Variants in CSNK1G1 observed in about 807,000 individuals in gnomAD.
CSNK1G1 encodes casein kinase I isoform gamma-1.
Under a neutral mutation model 59.6 loss-of-function variants are expected in CSNK1G1, and 22 were observed. That is an observed-to-expected ratio of 0.37 (90% CI 0.26 to 0.53). CSNK1G1 has a LOEUF of 0.53. Among genes scored for constraint, CSNK1G1 ranks in the 20% least tolerant of loss-of-function variants. The probability of loss-of-function intolerance (pLI) is 0.89; values close to 1 mark genes in which losing one functional copy is unlikely to be tolerated. For missense variants in CSNK1G1, 384 were observed against 519.5 expected (o/e 0.74, Z 2.54); for synonymous variants, 179 against 177.1 (o/e 1.01, Z -0.08).
chr15:64,272,136 G>A (rs756394193), intron 2 of CSNK1G1, among the ~76,000 whole-genome samples: 22 of 151,526 alleles, frequency 1.5e-4, no homozygotes, highest in Admixed American at 9.2e-4. Flanking sequence ...TTGAGCCTAC[G>A]GATATCATTA....
chr15:64,171,866 G>T lies in CSNK1G1; in HGVS notation c.*65C>A. 7.5e-7 allele frequency: 1 copy of T among 1,329,228 alleles called. No individual in the cohort carries two copies. The highest frequency in any genetic ancestry group is 1.2e-5 in the South Asian group (1 of 85,432). The allele number at this position is 1,329,228 out of a possible 1,614,324, so 82.3% of individuals were successfully genotyped here. A position where few individuals can be genotyped will look rare whatever the true frequency, so the allele number is the denominator to read the frequency against. ...AGAGGAGTCCCTTCCAATGAGAAAT[G>T]GCAGGAGCTGCAGGTACAATTGAGT... is the stretch of plus-strand genomic sequence containing the variant. On this transcript the variant is annotated 3_prime_UTR_variant, in exon 12 of 12. Transcript: ENST00000303052. The surrounding 1 kb of genome is among the most constrained non-coding windows in gnomAD (Gnocchi z 4.8).
chr15:64,231,108 C>T (rs1295463084), intron 4 of CSNK1G1, among the ~76,000 whole-genome samples: 2 of 151,658 alleles, frequency 1.3e-5, no homozygotes, highest in African/African-American at 4.8e-5. Context: ...AGGAGGATTG[C>T]TTGAGGCCAA....
chr15:64,221,097 A>G (rs983968109), intron 4 of CSNK1G1, among the ~76,000 whole-genome samples: 1 of 152,176 alleles, frequency 6.6e-6, no homozygotes, highest in African/African-American at 2.4e-5. Flanking sequence ...AGCTACTTGT[A>G]TTTGGATTTT....
chr15:64,222,437 C>CAAAAAAAAAAAAAAA lies in CSNK1G1; in HGVS notation c.293-5739_293-5725dup, dbSNP rs1170075981. ...AAAGAAATAACAACAACAACACCAC[C>CAAAAAAAAAAAAAAA]AAAAAAAAAAAAAAAAAAAAAAGAG... On this transcript the variant is annotated intron_variant, in intron 4 of 11. Coordinates refer to ENST00000303052, the MANE Select transcript of CSNK1G1 (RefSeq NM_022048.5). Among the ~76,000 whole-genome samples, 5 of 68,990 alleles carry CAAAAAAAAAAAAAAA rather than the reference C, an allele frequency of 7.2e-5. 1 individual carries two copies. The highest frequency in any genetic ancestry group is 1.1e-4 in the Non-Finnish European group (4 of 37,530). 45.3% of individuals were successfully genotyped at this position (68,990 alleles called of 152,430 possible). A position where few individuals can be genotyped will look rare whatever the true frequency, so the allele number is the denominator to read the frequency against.
chr15:64,223,287 C>A (rs1209448508), intron 4 of CSNK1G1, among the ~76,000 whole-genome samples: 2 of 152,076 alleles, frequency 1.3e-5, no homozygotes, highest in Non-Finnish European at 2.9e-5. Context: ...CATCTCTAAT[C>A]CACTGCTTAA....
At chr15:64,343,236 C>CA (rs1555405238) in intron 1 of CSNK1G1, among the ~76,000 whole-genome samples, 2 of 150,708 alleles carry the variant, frequency 1.3e-5, no homozygotes, top group East Asian at 2.0e-4. Context: ...CACACACACA[C>CA]CTCTTCTAAA....
At chr15:64,240,916 C>T (rs2082685397) in intron 4 of CSNK1G1, among the ~76,000 whole-genome samples, 1 of 152,080 alleles carries the variant, frequency 6.6e-6, no homozygotes, top group Non-Finnish European at 1.5e-5. Context: ...CGTATCACTA[C>T]AGAAAACCAC....
At chr15:64,325,438 T>C (rs1054040584) in intron 1 of CSNK1G1, among the ~76,000 whole-genome samples, 2 of 152,250 alleles carry the variant, frequency 1.3e-5, no homozygotes, top group Non-Finnish European at 2.9e-5. Flanking sequence ...TCCTGATAGC[T>C]GTTAGTACTG....
At chr15:64,316,397 A>G (rs932813985) in intron 1 of CSNK1G1, among the ~76,000 whole-genome samples, 1 of 151,956 alleles carries the variant, frequency 6.6e-6, no homozygotes, top group African/African-American at 2.4e-5. Context: ...TTAGCCGGGC[A>G]TGGTGGCACA....
chr15:64,229,528 T>TTCTCTCTCTCTCTCTCTC (rs34099287), intron 4 of CSNK1G1, among the ~76,000 whole-genome samples: 7 of 144,244 alleles, frequency 4.9e-5, no homozygotes, highest in African/African-American at 1.8e-4. Flanking sequence ...CTCTCTCTCT[T>TTCTCTCTCTCTCTCTCTC]TCTCTCTCTC....
chr15:64,229,532 C>CTCTCTCTT (rs1182641155), intron 4 of CSNK1G1, among the ~76,000 whole-genome samples: 3 of 151,162 alleles, frequency 2.0e-5, no homozygotes, highest in African/African-American at 7.3e-5. Flanking sequence ...CTCTCTTTCT[C>CTCTCTCTT]TCTCTCTCTC....
intron 1 of CSNK1G1, among the ~76,000 whole-genome samples, chr15:64,338,978 C>A (rs1320872184): frequency 6.6e-6 from 1 of 151,962 alleles, no homozygotes; most frequent in Admixed American, 6.6e-5. Flanking sequence ...GATCACGCCA[C>A]TGCACTACAG....
intron 1 of CSNK1G1, among the ~76,000 whole-genome samples, chr15:64,308,816 G>A (rs1414140220): frequency 6.6e-6 from 1 of 151,798 alleles, no homozygotes; most frequent in Non-Finnish European, 1.5e-5. Context: ...AAAATGGCGT[G>A]AACCCGGGAG....
chr15:64,181,954 C>T lies in CSNK1G1; in HGVS notation c.1108-1500G>A, dbSNP rs571429411. ...AGGGTGGGAGGAAATATATAGTACA[C>T]GTAGCCTTTGGGACAGATAGGGTGA... On this transcript the variant is annotated intron_variant, in intron 10 of 11. Coordinates refer to ENST00000303052, the MANE Select transcript of CSNK1G1 (RefSeq NM_022048.5). 485 of 152,254 alleles carry T rather than the reference C, an allele frequency of 3.2e-3. 4 individuals carry two copies. The highest frequency in any genetic ancestry group is 6.4e-3 in the South Asian group (31 of 4,876). 9.4% of individuals were successfully genotyped at this position (152,254 alleles called of 1,614,324 possible).
intron 1 of CSNK1G1, among the ~76,000 whole-genome samples, chr15:64,346,909 A>G (rs1179280686): frequency 6.6e-6 from 1 of 152,234 alleles, no homozygotes; most frequent in Non-Finnish European, 1.5e-5. Flanking sequence ...TGCAAAAAAT[A>G]TATCTGATTA....
At chr15:64,303,022 T>C (rs1351049098) in intron 1 of CSNK1G1, among the ~76,000 whole-genome samples, 1 of 152,078 alleles carries the variant, frequency 6.6e-6, no homozygotes, top group Non-Finnish European at 1.5e-5. Context: ...ATTATCCATG[T>C]TTACTTACAT....
rs888054342 is a variant in CSNK1G1 at position 64,203,323 on chromosome 15, T to C, written c.1000-134A>G. The C allele has an allele frequency of 6.0e-6, 4 of 671,686 alleles. No individual in the cohort carries two copies. In the African/African-American group the frequency reaches 7.1e-5, roughly 12 times the overall value. 41.6% of individuals were successfully genotyped at this position (671,686 alleles called of 1,614,324 possible). On this transcript the variant is annotated intron_variant, in intron 9 of 11. Transcript: ENST00000303052. ...CTACCAAGAGCACTTTCAAGTTGTC[T>C]TGTCTTCTCAGTTTGCTCATCTGCA...
chr15:64,196,440 A>G (rs548237671), intron 10 of CSNK1G1, among the ~76,000 whole-genome samples: 5 of 152,260 alleles, frequency 3.3e-5, no homozygotes, highest in Admixed American at 2.6e-4. Context: ...AAAAGAACTA[A>G]TAAGATCACC....
chr15:64,242,341 G>A (rs922331871), intron 4 of CSNK1G1, among the ~76,000 whole-genome samples: 1 of 152,116 alleles, frequency 6.6e-6, no homozygotes, highest in Non-Finnish European at 1.5e-5. Context: ...AATCATGGCG[G>A]TGCTGTCTTC....
Sources: gnomAD v4.1 joint callset for allele counts (sites outside exome capture counted in the v4.1 genomes callset) on GRCh38, gnomAD v4.1.1 for gene constraint, Gnocchi (gnomAD v3.1) non-coding constraint, MANE v1.5 for transcripts, NCBI Gene and HGNC (gene_info 2026-07-23, HGNC 2026-07-21) for gene names.